The following SIPA1L2 variants were observed in gnomAD, a reference collection of about 807,000 sequenced individuals.
SIPA1L2 encodes the protein signal-induced proliferation-associated 1-like protein 2.
SIPA1L2 carries 56 observed loss-of-function variants against 163.9 expected under a neutral mutation model. The ratio of observed to expected loss-of-function variants is 0.34; its 90% CI spans 0.28 to 0.43. The LOEUF (loss-of-function observed/expected upper bound fraction) is 0.43, where lower values mean the gene tolerates loss of function less well. Ranked by LOEUF, SIPA1L2 falls within the 20% of genes least tolerant of loss-of-function variation. SIPA1L2 has a pLI of 1.00. For synonymous variants in SIPA1L2, 877 were observed against 865.7 expected (o/e 1.01, Z -0.23); for missense variants, 1,974 against 2,193.5 (o/e 0.90, Z 2.00).
chr1:232,490,387 T>A (rs1665865842), intron 5 of SIPA1L2, among the ~76,000 whole-genome samples: 2 of 152,194 alleles, frequency 1.3e-5, no homozygotes, highest in African/African-American at 4.8e-5. Flanking sequence ...TCTTACCAGA[T>A]TCTGCCTTGG....
intron 1 of SIPA1L2, among the ~76,000 whole-genome samples, chr1:232,620,916 T>C (rs959922077): frequency 6.6e-6 from 1 of 152,228 alleles, no homozygotes; most frequent in South Asian, 2.1e-4. Context: ...CACTTATTCT[T>C]TGGGTGAGTA....
intron 3 of SIPA1L2, among the ~76,000 whole-genome samples, chr1:232,494,571 T>C (rs554035713): frequency 6.6e-6 from 1 of 152,384 alleles, no homozygotes; most frequent in East Asian, 1.9e-4. Context: ...CTTACTGCTC[T>C]GTGAGCAACT....
At position 232,399,093 on chromosome 1, in the gene SIPA1L2, T is replaced by C. The variant is rs371311753; in HGVS notation, c.*34A>G. On this transcript the variant is annotated 3_prime_UTR_variant, in exon 23 of 23. Coordinates refer to ENST00000674635, the MANE Select transcript of SIPA1L2 (RefSeq NM_020808.5). ...TGTGACTTCAAAGGGACAAGGGGCA[T>C]TTCCCAGTGGTCCCTTGATGAGGTG... 1.6e-5 allele frequency: 26 copies of C among 1,613,322 alleles called. No homozygotes were observed. The African/African-American group carries it at 3.1e-4, about 19-fold the overall frequency.
chr1:232,460,163 T>C (rs1447129775), intron 10 of SIPA1L2, among the ~76,000 whole-genome samples: 1 of 152,240 alleles, frequency 6.6e-6, no homozygotes, highest in East Asian at 1.9e-4. Context: ...AAACGGCTCC[T>C]TCTTAATTAG....
chr1:232,543,285 T>G (rs1657803634), intron 2 of SIPA1L2, among the ~76,000 whole-genome samples: 1 of 152,236 alleles, frequency 6.6e-6, no homozygotes, highest in Admixed American at 6.5e-5. Context: ...ACACTTTTTG[T>G]CATGATTCAA....
chr1:232,430,981 C>T (rs370232953), intron 16 of SIPA1L2, among the ~76,000 whole-genome samples: 5 of 152,270 alleles, frequency 3.3e-5, no homozygotes, highest in South Asian at 2.1e-4. Context: ...GACACTGCCT[C>T]GCTCTCACTG....
intron 18 of SIPA1L2, among the ~76,000 whole-genome samples, chr1:232,425,347 A>T (rs1360960131): frequency 4.6e-5 from 7 of 152,162 alleles, no homozygotes; most frequent in Admixed American, 3.9e-4. Flanking sequence ...ATTGGACTTG[A>T]CAGAAATATC....
Position 232,515,522 on chromosome 1 carries a change from C to T in SIPA1L2, c.-183G>A. On this transcript the variant is annotated 5_prime_UTR_variant, in exon 3 of 23. Transcript: ENST00000674635. ...CAGTTTCTTCAAAGCCAACTTGCTTCTCTGTTGTCGTAATAATGTTGTACG... is the reference window on the plus strand; with the variant it reads ...CAGTTTCTTCAAAGCCAACTTGCTTTTCTGTTGTCGTAATAATGTTGTACG... 1.7e-6 allele frequency: 1 copy of T among 601,824 alleles called. No homozygotes were observed. Among genetic ancestry groups the T allele is most frequent in the Non-Finnish European group, 2.8e-6 (1 of 360,226 alleles). 37.3% of individuals were successfully genotyped at this position (601,824 alleles called of 1,614,324 possible).
At chr1:232,622,082 C>T (rs1662838424) in intron 1 of SIPA1L2, among the ~76,000 whole-genome samples, 3 of 152,124 alleles carry the variant, frequency 2.0e-5, no homozygotes, top group Non-Finnish European at 2.9e-5. Context: ...TGAGTTACAA[C>T]GATCCTCAAA....
At chr1:232,549,593 G>A (rs1469259866) in intron 2 of SIPA1L2, among the ~76,000 whole-genome samples, 2 of 152,120 alleles carry the variant, frequency 1.3e-5, no homozygotes, top group African/African-American at 2.4e-5. Flanking sequence ...GGAAATTTCC[G>A]TTAAGTGGGA....
intron 21 of SIPA1L2, 121 bp downstream of exon 21, chr1:232,403,327 G>A: frequency 7.7e-7 from 1 of 1,296,208 alleles, no homozygotes; most frequent in East Asian, 2.4e-5. Context: ...GATTCTTCAG[G>A]ACTGGGAAAG....
chr1:232,549,577 T>C (rs1278793475), intron 2 of SIPA1L2, among the ~76,000 whole-genome samples: 2 of 152,118 alleles, frequency 1.3e-5, no homozygotes, highest in Non-Finnish European at 2.9e-5. Context: ...GAGCTCCTAT[T>C]ATGTGGGAAA....
intron 19 of SIPA1L2, among the ~76,000 whole-genome samples, chr1:232,414,826 C>T (rs180715826): frequency 1.1e-3 from 170 of 152,320 alleles, no homozygotes; most frequent in African/African-American, 3.7e-3. Context: ...TGAGGCTGCA[C>T]GTGAAGCAAG....
chr1:232,404,141 G>C lies in SIPA1L2; in HGVS notation c.4800C>G (p.His1600Gln). The C allele has an allele frequency of 6.2e-7, 1 of 1,614,110 alleles. No homozygotes were observed. Among genetic ancestry groups the C allele is most frequent in the Non-Finnish European group, 8.5e-7 (1 of 1,179,998 alleles). Residue 1600 changes from histidine to glutamine, a missense_variant, in exon 20 of 23, where the codon CAC (histidine) becomes CAG (glutamine). His to Gln is a conservative substitution (Grantham distance 24). This residue lies in a region of SIPA1L2 where 1,079 missense variants were observed against 1,150.7 expected (regional missense o/e 0.94). Coordinates refer to ENST00000674635, the MANE Select transcript of SIPA1L2 (RefSeq NM_020808.5). ...GACAATCACCTAGATAGGACGTGTG[G>C]TGACAGAGCAGCCCCAGTTCTTCAT... is the stretch of plus-strand genomic sequence containing the variant. ...DSDEELGLLCHHTSYLDQRVA... is the reference protein window; with the variant it reads ...DSDEELGLLCQHTSYLDQRVA...
intron 18 of SIPA1L2, among the ~76,000 whole-genome samples, chr1:232,421,274 G>A (rs1413319844): frequency 6.6e-6 from 1 of 152,190 alleles, no homozygotes; most frequent in African/African-American, 2.4e-5. Context: ...AAGGGGGGTA[G>A]TATCAGGGAA....
At chr1:232,565,684 T>C (rs2102760049) in intron 2 of SIPA1L2, among the ~76,000 whole-genome samples, 1 of 152,336 alleles carries the variant, frequency 6.6e-6, no homozygotes, top group South Asian at 2.1e-4. Context: ...TACAGAAAAT[T>C]ATCACCTTTT....
chr1:232,536,602 T>TA (rs1395362747), intron 2 of SIPA1L2, among the ~76,000 whole-genome samples: 1 of 152,066 alleles, frequency 6.6e-6, no homozygotes, highest in African/African-American at 2.4e-5. Context: ...ACACCATCAT[T>TA]AAAAATCTGT....
chr1:232,429,629 AT>A (rs1326793943), intron 16 of SIPA1L2, among the ~76,000 whole-genome samples: 1 of 151,998 alleles, frequency 6.6e-6, no homozygotes, highest in Admixed American at 6.6e-5. Flanking sequence ...AAAAAGAAGC[AT>A]TTCATAACTT....
At chr1:232,608,373 G>A (rs1489748139) in intron 1 of SIPA1L2, among the ~76,000 whole-genome samples, 1 of 152,154 alleles carries the variant, frequency 6.6e-6, no homozygotes, top group African/African-American at 2.4e-5. Context: ...TGAGAGGAAT[G>A]GGCAGATAAT....
Sources: gnomAD v4.1 joint callset for allele counts (sites outside exome capture counted in the v4.1 genomes callset) on GRCh38, gnomAD v4.1.1 for gene constraint, gnomAD v4.1.1 regional missense constraint, MANE v1.5 for transcripts, NCBI Gene and HGNC (gene_info 2026-07-23, HGNC 2026-07-21) for gene names.